The following SH3RF1 variants were observed in gnomAD, a reference collection of about 807,000 sequenced individuals.
SH3RF1 encodes the protein E3 ubiquitin-protein ligase SH3RF1.
Under a neutral mutation model 74.0 loss-of-function variants are expected in SH3RF1, and 32 were observed. The observed-to-expected ratio is 0.43, with a 90% confidence interval of 0.33 to 0.58. The LOEUF (loss-of-function observed/expected upper bound fraction) is 0.58, where lower values mean the gene tolerates loss of function less well. Among genes scored for constraint, SH3RF1 ranks in the 20% least tolerant of loss-of-function variants. SH3RF1 has a pLI of 0.05. For missense variants in SH3RF1, 954 were observed against 1,130.9 expected (o/e 0.84, Z 2.24); for synonymous variants, 396 against 439.6 (o/e 0.90, Z 1.24).
chr4:169,111,461 T>C (rs1733244890), intron 10 of SH3RF1, among the ~76,000 whole-genome samples: 1 of 151,724 alleles, frequency 6.6e-6, no homozygotes, highest in South Asian at 2.1e-4. Flanking sequence ...GATAGGGTTT[T>C]GCTAAGTTGC....
chr4:169,145,678 G>A (rs1238313437), intron 4 of SH3RF1, among the ~76,000 whole-genome samples: 2 of 138,740 alleles, frequency 1.4e-5, no homozygotes, highest in African/African-American at 5.2e-5. Context: ...TCGAACTCCT[G>A]ACCTCGTGAT....
chr4:169,197,333 A>G (rs1734830038), intron 2 of SH3RF1, among the ~76,000 whole-genome samples: 3 of 152,094 alleles, frequency 2.0e-5, no homozygotes. Flanking sequence ...ACTTATAAAA[A>G]AGCCCACCCA....
At position 169,269,161 on chromosome 4, in the gene SH3RF1, G is replaced by C. The variant is rs773149462; in HGVS notation, c.52C>G (p.Arg18Gly). Residue 18 changes from arginine to glycine, a missense_variant, in exon 2 of 12, where the codon CGC (arginine) becomes GGC (glycine). By Grantham distance (125) the Arg-to-Gly change is moderately radical. Around this residue, in one of 3 missense-constraint regions of SH3RF1, gnomAD observed 64 missense variants for 101.9 expected, o/e 0.63. Coordinates refer to ENST00000284637, the MANE Select transcript of SH3RF1 (RefSeq NM_020870.4). ...AAGACCTTCGCAGAAGCATCAAGGCGCTCTAGACACACCGGACACTCCAAA... is the reference window on the plus strand; with the variant it reads ...AAGACCTTCGCAGAAGCATCAAGGCCCTCTAGACACACCGGACACTCCAAA... ...DLLECPVCLE[R>G]LDASAKVLPC... The C allele has an allele frequency of 1.9e-6, 3 of 1,610,142 alleles. No individual in the cohort carries two copies. Among genetic ancestry groups the C allele is most frequent in the African/African-American group, 2.7e-5 (2 of 74,900 alleles).
intron 2 of SH3RF1, among the ~76,000 whole-genome samples, chr4:169,243,287 C>T (rs373274002): frequency 1.1e-4 from 16 of 152,216 alleles, no homozygotes; most frequent in Admixed American, 5.9e-4. Flanking sequence ...TCGAAGCAGG[C>T]GGACCACCTG....
intron 4 of SH3RF1, among the ~76,000 whole-genome samples, chr4:169,155,015 A>T (rs1047140256): frequency 3.9e-5 from 6 of 152,220 alleles, no homozygotes; most frequent in East Asian, 1.9e-4. Flanking sequence ...GGATGGAGGA[A>T]GATTCATTGA....
chr4:169,131,647 C>A (rs191900918), intron 5 of SH3RF1, among the ~76,000 whole-genome samples: 2 of 152,364 alleles, frequency 1.3e-5, no homozygotes, highest in East Asian at 3.8e-4. Context: ...CCTTAACTTT[C>A]CACGCCTAAG....
intron 2 of SH3RF1, among the ~76,000 whole-genome samples, chr4:169,184,406 A>G (rs1224568869): frequency 6.6e-6 from 1 of 152,242 alleles, no homozygotes; most frequent in Non-Finnish European, 1.5e-5. Flanking sequence ...CATGAAGCAC[A>G]TGTAACCAAC....
At chr4:169,166,786 T>TC in intron 2 of SH3RF1, 1 of 212,144 alleles carries the variant, frequency 4.7e-6, no homozygotes, top group Non-Finnish European at 8.8e-6. Context: ...GGCTCGTTAC[T>TC]TTGACTGGAC....
intron 2 of SH3RF1, among the ~76,000 whole-genome samples, chr4:169,171,856 A>G (rs1332558784): frequency 6.6e-6 from 1 of 152,236 alleles, no homozygotes; most frequent in Non-Finnish European, 1.5e-5. Context: ...TGAAATTTTA[A>G]AAAGATCCAC....
intron 2 of SH3RF1, among the ~76,000 whole-genome samples, chr4:169,210,257 A>AT (rs893293601): frequency 6.6e-6 from 1 of 151,698 alleles, no homozygotes; most frequent in African/African-American, 2.4e-5. Context: ...TTCAATATTC[A>AT]TTTCCCTTAC....
At chr4:169,149,808 G>T (rs1004609738) in intron 4 of SH3RF1, among the ~76,000 whole-genome samples, 4 of 152,108 alleles carry the variant, frequency 2.6e-5, no homozygotes, top group African/African-American at 9.7e-5. Context: ...TCAACTCTTT[G>T]ATTATTAGAT....
intron 2 of SH3RF1, chr4:169,217,257 T>C (rs1305473260): frequency 6.6e-6 from 1 of 152,120 alleles, no homozygotes; most frequent in African/African-American, 2.4e-5. Context: ...TGAGCTGGGT[T>C]GGCTTGACAG....
At chr4:169,266,618 T>TG (rs1170657487) in intron 2 of SH3RF1, among the ~76,000 whole-genome samples, 1 of 8,076 alleles carries the variant, frequency 1.2e-4, no homozygotes, top group Non-Finnish European at 2.5e-4. Flanking sequence ...AAAAGGGGGG[T>TG]GGGGGGCAGG....
intron 2 of SH3RF1, among the ~76,000 whole-genome samples, chr4:169,204,997 T>A (rs1391592021): frequency 1.3e-5 from 2 of 152,210 alleles, no homozygotes; most frequent in Admixed American, 1.3e-4. Context: ...CAATCAGTCA[T>A]TAGTAAACTA....
chr4:169,128,428 G>A (rs762346484), intron 6 of SH3RF1, among the ~76,000 whole-genome samples: 37 of 152,128 alleles, frequency 2.4e-4, no homozygotes, highest in Admixed American at 3.9e-4. Context: ...CATTAAAAAC[G>A]AAAATAAAAC....
chr4:169,198,593 C>T (rs889754676), intron 2 of SH3RF1, among the ~76,000 whole-genome samples: 4 of 152,070 alleles, frequency 2.6e-5, no homozygotes, highest in Non-Finnish European at 5.9e-5. Flanking sequence ...TATGGAAATA[C>T]ATCAAATGAA....
intron 2 of SH3RF1, among the ~76,000 whole-genome samples, chr4:169,203,135 C>T (rs1442240719): frequency 6.6e-6 from 1 of 152,196 alleles, no homozygotes; most frequent in African/African-American, 2.4e-5. Context: ...TCACAGAAAA[C>T]ACTTAAGAAC....
chr4:169,252,262 A>G (rs1219050944), intron 2 of SH3RF1, among the ~76,000 whole-genome samples: 2 of 152,254 alleles, frequency 1.3e-5, no homozygotes, highest in East Asian at 3.8e-4. Flanking sequence ...TGGCTAACCC[A>G]GATGCAACAA....
intron 2 of SH3RF1, among the ~76,000 whole-genome samples, chr4:169,182,892 T>C (rs1165536300): frequency 6.6e-6 from 1 of 152,216 alleles, no homozygotes; most frequent in Non-Finnish European, 1.5e-5. Context: ...TTAGTAGTTT[T>C]AGTTTTGCCA....
Sources: allele counts gnomAD v4.1 joint callset (sites outside exome capture counted in the v4.1 genomes callset), GRCh38; gene constraint gnomAD v4.1.1; regional missense constraint gnomAD v4.1.1; transcripts MANE v1.5; gene names NCBI Gene and HGNC (gene_info 2026-07-23, HGNC 2026-07-21).